Variants in SMARCC1 observed in about 807,000 individuals in gnomAD.
SMARCC1 encodes the protein SWI/SNF related BAF chromatin remodeling complex subunit C1.
SMARCC1 carries 43 observed loss-of-function variants against 147.4 expected under a neutral mutation model. The observed-to-expected ratio is 0.29, with a 90% confidence interval of 0.23 to 0.38. The LOEUF is 0.38. Among genes scored for constraint, SMARCC1 ranks in the 10% least tolerant of loss-of-function variants. SMARCC1 has a pLI of 1.00. For synonymous variants in SMARCC1, 495 were observed against 484.4 expected (o/e 1.02, Z -0.29); for missense variants, 1,119 against 1,381.1 (o/e 0.81, Z 3.01).
chr3:47,759,545 C>T (rs1475949883), intron 2 of SMARCC1, among the ~76,000 whole-genome samples: 33 of 125,968 alleles, frequency 2.6e-4, no homozygotes, highest in African/African-American at 8.4e-4. Context: ...AGCTTGAACC[C>T]GGGAGGCGGA....
chr3:47,756,606 T>C (rs1326236777), intron 2 of SMARCC1, among the ~76,000 whole-genome samples: 1 of 151,998 alleles, frequency 6.6e-6, no homozygotes, highest in African/African-American at 2.4e-5. Flanking sequence ...CAGAAAAATT[T>C]TACTAAATTG....
In SMARCC1 at chr3:47,764,989, C is replaced by T. The variant is rs555998269; in HGVS notation, c.315+7828G>A. Among the ~76,000 whole-genome samples, 4 of 152,290 alleles carry T rather than the reference C, an allele frequency of 2.6e-5. No homozygotes were observed. The East Asian group carries it at 5.8e-4, about 22-fold the overall frequency. On this transcript the variant is annotated intron_variant, in intron 2 of 27. Coordinates refer to ENST00000254480, the MANE Select transcript of SMARCC1 (RefSeq NM_003074.4). ...CAAGGAGGCCAGGCGCGGTGGCTCA[C>T]GCCTGTAATCCCAGCACTTTGGGAG...
chr3:47,723,077 G>A (rs1476215555), intron 6 of SMARCC1, among the ~76,000 whole-genome samples: 1 of 152,150 alleles, frequency 6.6e-6, no homozygotes, highest in Non-Finnish European at 1.5e-5. Flanking sequence ...AGTTAGATAA[G>A]GAGACGGTTA....
At chr3:47,779,844 A>T (rs1203510321) in intron 1 of SMARCC1, among the ~76,000 whole-genome samples, 1 of 152,224 alleles carries the variant, frequency 6.6e-6, no homozygotes, top group East Asian at 1.9e-4. Flanking sequence ...ACTGAATTTA[A>T]GACCCAAAGC....
chr3:47,704,673 T>C (rs1388272092), intron 10 of SMARCC1, among the ~76,000 whole-genome samples: 2 of 151,876 alleles, frequency 1.3e-5, no homozygotes. Context: ...TCCCAACACG[T>C]TGGGAGGCCG....
chr3:47,693,761 C>T (rs2033817586), intron 11 of SMARCC1, among the ~76,000 whole-genome samples: 3 of 152,168 alleles, frequency 2.0e-5, no homozygotes, highest in Non-Finnish European at 2.9e-5. Context: ...CTCCCAGGCT[C>T]AAGCGATCCT....
intron 24 of SMARCC1, among the ~76,000 whole-genome samples, chr3:47,624,844 G>A (rs1271686636): frequency 6.8e-6 from 1 of 147,900 alleles, no homozygotes; most frequent in Non-Finnish European, 1.5e-5. Flanking sequence ...AAGGCCAGGA[G>A]TTCAAAACCA....
At chr3:47,774,338 T>C (rs1246587694) in intron 1 of SMARCC1, among the ~76,000 whole-genome samples, 1 of 150,836 alleles carries the variant, frequency 6.6e-6, no homozygotes, top group Non-Finnish European at 1.5e-5. Flanking sequence ...ATTAGCTGGG[T>C]GTGGTGGCGC....
intron 1 of SMARCC1, among the ~76,000 whole-genome samples, chr3:47,778,356 T>G (rs2106883751): frequency 6.6e-6 from 1 of 152,202 alleles, no homozygotes; most frequent in East Asian, 1.9e-4. Flanking sequence ...TTGCCCAGGC[T>G]GGAGTGCAAT....
intron 6 of SMARCC1, 53 bp from the exon 7 acceptor site, chr3:47,720,788 CTA>C: frequency 7.6e-7 from 1 of 1,309,590 alleles, no homozygotes; most frequent in Non-Finnish European, 1.1e-6. Flanking sequence ...AATAAAGAAA[CTA>C]TGATTTTTAG....
chr3:47,769,667 G>A (rs993608289), intron 2 of SMARCC1, among the ~76,000 whole-genome samples: 1 of 152,090 alleles, frequency 6.6e-6, no homozygotes, highest in Non-Finnish European at 1.5e-5. Flanking sequence ...CACCAAGTAA[G>A]TCAAAGGCTC....
intron 21 of SMARCC1, among the ~76,000 whole-genome samples, chr3:47,657,813 C>CA (rs377666484): frequency 0.051 from 7,348 of 144,214 alleles, 245 homozygotes; most frequent in Non-Finnish European, 0.075. Context: ...AACTCTGTCT[C>CA]AAAAAAAAAA....
At chr3:47,685,659 A>G (rs1321241841) in intron 14 of SMARCC1, among the ~76,000 whole-genome samples, 1 of 151,996 alleles carries the variant, frequency 6.6e-6, no homozygotes, top group Non-Finnish European at 1.5e-5. Flanking sequence ...GGAGTTCAAA[A>G]CCACCCTGGC....
intron 26 of SMARCC1, chr3:47,603,882 T>G (rs1455262207): frequency 1.1e-5 from 4 of 365,314 alleles, no homozygotes; most frequent in Non-Finnish European, 2.2e-5. Flanking sequence ...GAAACCAAGT[T>G]GGGACACTAT....
intron 19 of SMARCC1, chr3:47,663,530 GAGCCCAGGGGTTCAAGGCC>G: frequency 4.4e-6 from 4 of 907,054 alleles, no homozygotes; most frequent in Non-Finnish European, 6.8e-6. Flanking sequence ...AGGATCTCTT[GAGCCCAGGGGTTCAAGGCC>G]AGCCTGACAA....
rs1225968965 is a variant in SMARCC1 at position 47,586,138 on chromosome 3, A to C, written c.*2071T>G. On this transcript the variant is annotated 3_prime_UTR_variant, in exon 28 of 28. Transcript: ENST00000254480. ...GCCACCACTTATACTGAAATATAAC[A>C]GTGTTAAGAATTCAGGTATTTTGTA... is the stretch of plus-strand genomic sequence containing the variant. 1 of 152,498 alleles carries C rather than the reference A, an allele frequency of 6.6e-6. No homozygotes were observed. The highest frequency in any genetic ancestry group is 1.5e-5 in the Non-Finnish European group (1 of 68,050). 9.4% of individuals were successfully genotyped at this position (152,498 alleles called of 1,614,324 possible).
intron 5 of SMARCC1, among the ~76,000 whole-genome samples, chr3:47,734,111 C>T (rs534078384): frequency 5.3e-5 from 8 of 151,994 alleles, no homozygotes; most frequent in African/African-American, 1.2e-4. Context: ...CAGTATGACC[C>T]GGTGACAAAA....
At chr3:47,603,633 C>A in intron 26 of SMARCC1, 1 of 209,952 alleles carries the variant, frequency 4.8e-6, no homozygotes. Flanking sequence ...TATGACTATT[C>A]ACCTTTTGCC....
At chr3:47,635,923 C>A in intron 23 of SMARCC1, 99 bp downstream of exon 23, 1 of 660,826 alleles carries the variant, frequency 1.5e-6, no homozygotes, top group Non-Finnish European at 2.6e-6. Context: ...GAAACAAACC[C>A]AAAATAAATG....
Sources: allele counts gnomAD v4.1 joint callset (sites outside exome capture counted in the v4.1 genomes callset), GRCh38; gene constraint gnomAD v4.1.1; transcripts MANE v1.5; gene names NCBI Gene and HGNC (gene_info 2026-07-23, HGNC 2026-07-21).